The following ERN1 variants were observed in gnomAD, a reference collection of about 807,000 sequenced individuals.
ERN1 encodes serine/threonine-protein kinase/endoribonuclease IRE1.
Under a neutral mutation model 113.1 loss-of-function variants are expected in ERN1, and 39 were observed. That is an observed-to-expected ratio of 0.34 (90% CI 0.27 to 0.45). The LOEUF (loss-of-function observed/expected upper bound fraction) is 0.45, where lower values mean the gene tolerates loss of function less well. ERN1 is among the 20% of genes least tolerant of loss of function. The pLI is 1.00. For synonymous variants in ERN1, 507 were observed against 515.9 expected, an observed-to-expected ratio of 0.98 and a Z score of 0.23; for missense variants, 976 against 1,274.8, an observed-to-expected ratio of 0.77 and a Z score of 3.57.
At chr17:64,057,690 A>G in intron 12 of ERN1, 112 bp downstream of exon 12, 1 of 1,082,316 alleles carries the variant, frequency 9.2e-7, no homozygotes, top group Non-Finnish European at 1.4e-6. Context: ...CTGACTTTTA[A>G]ATGGGGAAAG....
intron 19 of ERN1, among the ~76,000 whole-genome samples, chr17:64,045,781 G>A (rs1384443386): frequency 6.6e-6 from 1 of 152,154 alleles, no homozygotes; most frequent in Non-Finnish European, 1.5e-5. Flanking sequence ...CCATGTGTAC[G>A]GAGCCGCAAG....
At chr17:64,110,650 T>C (rs2049036415) in intron 1 of ERN1, among the ~76,000 whole-genome samples, 1 of 152,214 alleles carries the variant, frequency 6.6e-6, no homozygotes, top group Non-Finnish European at 1.5e-5. Context: ...CCCCACACAG[T>C]AAGCTATGGC....
chr17:64,111,715 G>A (rs552815786), intron 1 of ERN1, among the ~76,000 whole-genome samples: 1 of 152,180 alleles, frequency 6.6e-6, no homozygotes, highest in Non-Finnish European at 1.5e-5. Flanking sequence ...TGGGCATCTG[G>A]ATTGTGGGGC....
chr17:64,065,376 C>T, intron 8 of ERN1, 89 bp from the exon 9 acceptor site: 1 of 906,102 alleles, frequency 1.1e-6, no homozygotes, highest in Non-Finnish European at 1.7e-6. Flanking sequence ...ATACCACCCG[C>T]AGGGATGACC....
At chr17:64,103,949 C>T (rs1914453331) in intron 1 of ERN1, among the ~76,000 whole-genome samples, 2 of 152,026 alleles carry the variant, frequency 1.3e-5, no homozygotes, top group South Asian at 4.2e-4. Context: ...AGCAAAAAAA[C>T]CACAGCTTCC....
chr17:64,056,160 C>T (rs1192995257), intron 12 of ERN1, among the ~76,000 whole-genome samples: 1 of 152,232 alleles, frequency 6.6e-6, no homozygotes, highest in African/African-American at 2.4e-5. Context: ...GCTCATACAG[C>T]CCACTCCCCA....
chr17:64,095,667 C>A (rs1405735842), intron 2 of ERN1, among the ~76,000 whole-genome samples: 1 of 152,158 alleles, frequency 6.6e-6, no homozygotes, highest in African/African-American at 2.4e-5. Flanking sequence ...AGTCACTCAC[C>A]TGTTCAATCA....
intron 1 of ERN1, among the ~76,000 whole-genome samples, chr17:64,114,109 G>A (rs751973504): frequency 6.7e-6 from 1 of 149,152 alleles, no homozygotes; most frequent in Non-Finnish European, 1.5e-5. Flanking sequence ...GGAGTGTTGA[G>A]TCAACATAAG....
chr17:64,129,700 G>A, intron 1 of ERN1: 1 of 377,034 alleles, frequency 2.7e-6, no homozygotes, highest in Non-Finnish European at 4.7e-6. Context: ...AGCCCGCGGG[G>A]TCCGGGGAGC....
chr17:64,109,528 C>A (rs1479769333), intron 1 of ERN1, among the ~76,000 whole-genome samples: 3 of 152,170 alleles, frequency 2.0e-5, no homozygotes. Flanking sequence ...CTCTACCGGC[C>A]CAGGCCACCA....
At chr17:64,067,427 C>CAAAA (rs5821418) in intron 7 of ERN1, among the ~76,000 whole-genome samples, 1 of 83,092 alleles carries the variant, frequency 1.2e-5, no homozygotes, top group African/African-American at 4.7e-5. Context: ...CCCGTCTCTA[C>CAAAA]AAAAAAAAAA....
chr17:64,051,168 A>AAG (rs1464542046), intron 17 of ERN1, among the ~76,000 whole-genome samples: 1 of 151,822 alleles, frequency 6.6e-6, no homozygotes, highest in Non-Finnish European at 1.5e-5. Context: ...AAAAAAAAAA[A>AAG]AGAGAGAGAG....
chr17:64,072,191 G>C, intron 5 of ERN1, 88 bp from the exon 6 acceptor site: 2 of 1,436,098 alleles, frequency 1.4e-6, no homozygotes, highest in Non-Finnish European at 9.6e-7. Context: ...TCTGTATTGA[G>C]AGAGATAGAC....
chr17:64,114,695 C>T (rs1167470708), intron 1 of ERN1, among the ~76,000 whole-genome samples: 2 of 151,424 alleles, frequency 1.3e-5, no homozygotes, highest in South Asian at 2.1e-4. Context: ...CTGTTCACAT[C>T]GTTGTAAAGC....
In ERN1 at chr17:64,066,709, G is replaced by A; in HGVS notation, c.804C>T (p.Tyr268=). The A allele has an allele frequency of 1.2e-6, 2 of 1,613,898 alleles. No homozygotes were observed. The highest frequency in any genetic ancestry group is 1.1e-5 in the South Asian group (1 of 91,078). Residue 268 remains tyrosine (Y), a synonymous_variant, in exon 8 of 22, where the codon TAC becomes TAT. Coordinates refer to ENST00000433197, the MANE Select transcript of ERN1 (RefSeq NM_001433.5). ...GEVGRITKWK[Y]PFPKETEAKS... is the part of the protein sequence containing the mutation. ...TGGCCTCTGTCTCCTTGGGGAACGG[G>A]TACTTCCACTTTGTGATGCGCCCCA...
intron 17 of ERN1, among the ~76,000 whole-genome samples, chr17:64,050,033 A>T (rs1358332354): frequency 2.0e-5 from 3 of 152,168 alleles, no homozygotes; most frequent in Admixed American, 6.5e-5. Context: ...ATTCAGCCTC[A>T]CAACAACCTT....
At chr17:64,099,862 G>A (rs766975805) in intron 1 of ERN1, among the ~76,000 whole-genome samples, 10 of 152,114 alleles carry the variant, frequency 6.6e-5, no homozygotes, top group Non-Finnish European at 1.5e-4. Flanking sequence ...CCACCTCTTC[G>A]CTTTGCCCAG....
At chr17:64,053,392 A>G (rs765524076) in intron 15 of ERN1, 21 bp from the exon 16 acceptor site, 1 of 1,562,562 alleles carries the variant, frequency 6.4e-7, no homozygotes, top group Non-Finnish European at 8.7e-7. Flanking sequence ...CATGACAGCA[A>G]GGTCACGGCA....
At chr17:64,068,469 G>A (rs942065179) in intron 6 of ERN1, among the ~76,000 whole-genome samples, 178 bp from the exon 7 acceptor site, 2 of 152,218 alleles carry the variant, frequency 1.3e-5, no homozygotes, top group Admixed American at 6.5e-5. Context: ...AGACACATGA[G>A]TGAAACTGGC....
Sources: allele counts gnomAD v4.1 joint callset (sites outside exome capture counted in the v4.1 genomes callset), GRCh38; gene constraint gnomAD v4.1.1; transcripts MANE v1.5; gene names NCBI Gene and HGNC (gene_info 2026-07-23, HGNC 2026-07-21).